The following CFAP210 variants were observed in gnomAD, a reference collection of about 807,000 sequenced individuals.
The protein encoded by CFAP210 is cilia and flagella associated protein 210.
the CFAP210 span, among the ~76,000 whole-genome samples, chr2:169,682,878 G>A: frequency 1.3e-5 from 2 of 152,030 alleles, no homozygotes; most frequent in Non-Finnish European, 2.9e-5. Context: ...TGCAAAATGG[G>A]GTCATTAACA....
chr2:169,653,791 C>T, the CFAP210 span, among the ~76,000 whole-genome samples: 5 of 152,120 alleles, frequency 3.3e-5, no homozygotes, highest in East Asian at 9.7e-4. Context: ...CTTACCTACT[C>T]ACCCTAGGTG....
At chr2:169,693,420 C>G in the CFAP210 span, among the ~76,000 whole-genome samples, 1 of 152,158 alleles carries the variant, frequency 6.6e-6, no homozygotes, top group Non-Finnish European at 1.5e-5. Flanking sequence ...GGCAAAAGTC[C>G]GCTGCTAACC....
chr2:169,693,737 A>G, the CFAP210 span, among the ~76,000 whole-genome samples: 1 of 152,212 alleles, frequency 6.6e-6, no homozygotes, highest in Non-Finnish European at 1.5e-5. Flanking sequence ...CTCTAAAAGC[A>G]TTTGACTTAG....
the CFAP210 span, chr2:169,662,267 C>T: frequency 6.3e-7 from 1 of 1,588,918 alleles, no homozygotes; most frequent in Non-Finnish European, 8.5e-7. Context: ...GAACTTTTGC[C>T]CTTTCAACTT....
chr2:169,694,258 C>T, the CFAP210 span: 4 of 1,614,002 alleles, frequency 2.5e-6, no homozygotes, highest in South Asian at 3.3e-5. Flanking sequence ...CAGTTTAGCT[C>T]ACCTGTACTT....
the CFAP210 span, among the ~76,000 whole-genome samples, chr2:169,661,804 CT>C: frequency 7.9e-5 from 12 of 152,040 alleles, no homozygotes; most frequent in African/African-American, 2.9e-4. Context: ...TTCTACTCCA[CT>C]TTTTTTTAAA....
chr2:169,680,608 T>C, the CFAP210 span, among the ~76,000 whole-genome samples: 2 of 152,222 alleles, frequency 1.3e-5, no homozygotes, highest in South Asian at 2.1e-4. Flanking sequence ...TAACAATTGA[T>C]ACCCACAACA....
chr2:169,694,388 A>T, the CFAP210 span: 1 of 1,527,390 alleles, frequency 6.5e-7, no homozygotes, highest in South Asian at 1.1e-5. Context: ...CAGCCGGTGG[A>T]GTTGTTACTC....
the CFAP210 span, chr2:169,650,390 CTT>C: frequency 3.7e-6 from 6 of 1,600,180 alleles, no homozygotes; most frequent in Non-Finnish European, 2.6e-6. Flanking sequence ...ATCTTTTTCT[CTT>C]TCTCTTTTTT....
chr2:169,689,926 A>C, the CFAP210 span, among the ~76,000 whole-genome samples: 4 of 152,200 alleles, frequency 2.6e-5, no homozygotes, highest in African/African-American at 9.6e-5. Context: ...TCTTGGGATA[A>C]ATACCACTTG....
chr2:169,685,452 G>A, the CFAP210 span, among the ~76,000 whole-genome samples: 1 of 152,054 alleles, frequency 6.6e-6, no homozygotes, highest in African/African-American at 2.4e-5. Context: ...TTTTAAAAAT[G>A]GGCTGTCTTT....
the CFAP210 span, chr2:169,681,095 G>T: frequency 1.9e-6 from 3 of 1,613,892 alleles, no homozygotes; most frequent in Non-Finnish European, 2.5e-6. Flanking sequence ...GAGGCATGCT[G>T]CTTCTCTTGT....
the CFAP210 span, among the ~76,000 whole-genome samples, chr2:169,683,814 GAACA>G: frequency 2.0e-5 from 3 of 151,882 alleles, no homozygotes; most frequent in Admixed American, 6.6e-5. Flanking sequence ...TCTGACACAG[GAACA>G]AACAAAGAGA....
At chr2:169,683,420 T>C in the CFAP210 span, among the ~76,000 whole-genome samples, 2 of 152,236 alleles carry the variant, frequency 1.3e-5, no homozygotes, top group Admixed American at 1.3e-4. Flanking sequence ...GTAACAAATT[T>C]CCTTTATTTT....
At chr2:169,647,672 G>A in the CFAP210 span, among the ~76,000 whole-genome samples, 6 of 152,114 alleles carry the variant, frequency 3.9e-5, no homozygotes, top group Admixed American at 2.6e-4. Context: ...TTATTTGATC[G>A]TGATTGAAAC....
At chr2:169,691,298 A>G in the CFAP210 span, among the ~76,000 whole-genome samples, 5 of 152,100 alleles carry the variant, frequency 3.3e-5, no homozygotes, top group Non-Finnish European at 5.9e-5. Context: ...GATATCCTCT[A>G]TTTGGTAAGA....
the CFAP210 span, among the ~76,000 whole-genome samples, chr2:169,688,125 C>T: frequency 3.3e-5 from 5 of 152,310 alleles, no homozygotes; most frequent in African/African-American, 1.2e-4. Flanking sequence ...CTGGTCCTGG[C>T]CCATAAAACC....
At chr2:169,656,551 T>A in the CFAP210 span, among the ~76,000 whole-genome samples, 1 of 151,860 alleles carries the variant, frequency 6.6e-6, no homozygotes, top group African/African-American at 2.4e-5. Flanking sequence ...AGTACTCCCT[T>A]TTGACCTTCA....
chr2:169,689,736 T>G, the CFAP210 span, among the ~76,000 whole-genome samples: 6 of 152,328 alleles, frequency 3.9e-5, no homozygotes, highest in Admixed American at 6.5e-5. Context: ...AGCTATGGGC[T>G]TTTCATAGGT....
Sources: allele counts gnomAD v4.1 joint callset (sites outside exome capture counted in the v4.1 genomes callset), GRCh38; gene constraint gnomAD v4.1.1; transcripts MANE v1.5; gene names NCBI Gene and HGNC (gene_info 2026-07-23, HGNC 2026-07-21).